Variants in ABCA13 observed in about 807,000 individuals in gnomAD.
ABCA13 encodes ATP binding cassette subfamily A member 13.
A neutral mutation model predicts 478.7 loss-of-function variants in ABCA13; 476 were observed. The ratio of observed to expected loss-of-function variants is 0.99; its 90% CI spans 0.92 to 1.07. The LOEUF is 1.07. Ranked by LOEUF, ABCA13 falls within the 50% of genes least tolerant of loss-of-function variation. ABCA13 has a pLI of 0.00. For synonymous variants in ABCA13, 2,252 were observed against 2,158.9 expected (o/e 1.04, Z -1.20); for missense variants, 6,060 against 5,910.6 (o/e 1.03, Z -0.83).
At chr7:48,190,266 A>G (rs1405364976) in intron 1 of ABCA13, among the ~76,000 whole-genome samples, 1 of 152,176 alleles carries the variant, frequency 6.6e-6, no homozygotes, top group Non-Finnish European at 1.5e-5. Flanking sequence ...TCAGCCAAAT[A>G]TGTAAAAAAA....
intron 35 of ABCA13, among the ~76,000 whole-genome samples, chr7:48,382,031 T>C (rs963801886): frequency 2.4e-4 from 37 of 152,336 alleles, no homozygotes; most frequent in African/African-American, 7.0e-4. Context: ...AGATTATGGC[T>C]GAGATGGTTT....
At chr7:48,525,668 C>T (rs1331068062) in intron 54 of ABCA13, among the ~76,000 whole-genome samples, 5 of 72,824 alleles carry the variant, frequency 6.9e-5, no homozygotes, top group East Asian at 4.6e-4. Flanking sequence ...TGTTTAGATG[C>T]GCTTTTTTTT....
In ABCA13 at chr7:48,546,070, C is replaced by G. The variant is rs532021615; in HGVS notation, c.14354+17725C>G. On this transcript the variant is annotated intron_variant, in intron 55 of 61. Transcript: ENST00000435803. ...CATACTTAGGCACTTTGTGTTGAAA[C>G]CAAGAATTCCAAAAACAAACTCTTA... Among the ~76,000 whole-genome samples the G allele has an allele frequency of 8.6e-4, 131 of 151,720 alleles. 1 individual carries two copies. Among genetic ancestry groups the G allele is most frequent in the Admixed American group, 2.2e-3 (33 of 15,178 alleles).
Position 48,171,467 on chromosome 7 carries a change from A to G in ABCA13, c.-17A>G. The G allele has an allele frequency of 6.5e-7, 1 of 1,535,860 alleles. No homozygotes were observed. Among genetic ancestry groups the G allele is most frequent in the East Asian group, 2.4e-5 (1 of 40,916 alleles). On this transcript the variant is annotated 5_prime_UTR_variant, in exon 1 of 62. Coordinates refer to ENST00000435803, the MANE Select transcript of ABCA13 (RefSeq NM_152701.5). ...CTTACAGGCTGGCTTCCTGACTGAG[A>G]GCAGGGAGCAGCAGGCATGGGGCAT...
chr7:48,360,907 A>G (rs1810718737), intron 31 of ABCA13, among the ~76,000 whole-genome samples: 2 of 151,878 alleles, frequency 1.3e-5, no homozygotes, highest in Admixed American at 6.6e-5. Flanking sequence ...ACCAGCCTGG[A>G]CAGCATAGCA....
At chr7:48,462,557 G>A (rs2130011496) in intron 43 of ABCA13, among the ~76,000 whole-genome samples, 1 of 152,012 alleles carries the variant, frequency 6.6e-6, no homozygotes, top group Non-Finnish European at 1.5e-5. Context: ...TGACCAGGCT[G>A]GAGTGCAGTG....
intron 2 of ABCA13, 83 bp downstream of exon 2, chr7:48,193,135 C>T: frequency 1.0e-6 from 1 of 961,726 alleles, no homozygotes; most frequent in Non-Finnish European, 1.6e-6. Flanking sequence ...TTTTTATAAA[C>T]TCTGAATGCT....
At chr7:48,254,884 G>A (rs958369140) in intron 15 of ABCA13, among the ~76,000 whole-genome samples, 12 of 151,886 alleles carry the variant, frequency 7.9e-5, no homozygotes, top group East Asian at 3.9e-4. Flanking sequence ...TCTTATTTTC[G>A]TAGCCTCTCT....
Position 48,587,259 on chromosome 7 carries a change from C to T in ABCA13, c.14611C>T (p.Leu4871=), listed in dbSNP as rs767386672. ...GCGGAAACTCTCTACAGCCCTGGCC[C>T]TGGTGGGGAAACCTGACATTCTTTT... ...TKRKLSTALA[L]VGKPDILLLD... is the part of the protein sequence containing the mutation. The change falls in exon 57 of 62, where the codon CTG becomes TTG. Residue 4871 remains leucine (L), a synonymous_variant. Transcript: ENST00000435803. 1.2e-5 allele frequency: 19 copies of T among 1,610,424 alleles called. No individual in the cohort carries two copies. The highest frequency in any genetic ancestry group is 4.2e-6 in the Non-Finnish European group (5 of 1,178,288).
chr7:48,412,291 A>G (rs2129097094), intron 40 of ABCA13, 62 bp from the exon 41 acceptor site: 3 of 1,253,966 alleles, frequency 2.4e-6, no homozygotes, highest in East Asian at 2.5e-5. Context: ...CATGAAATCA[A>G]TTGATGTATA....
chr7:48,269,120 G>T, intron 16 of ABCA13, 26 bp downstream of exon 16: 1 of 1,270,416 alleles, frequency 7.9e-7, no homozygotes, highest in East Asian at 2.3e-5. Context: ...CCAACTTCTA[G>T]GTCTTGATTT....
rs1332791041 is a variant in ABCA13, at chr7:48,541,344, G to T, written c.14354+12999G>T. On this transcript the variant is annotated intron_variant, in intron 55 of 61. Coordinates refer to ENST00000435803, the MANE Select transcript of ABCA13 (RefSeq NM_152701.5). ...ATGGACACCATCAAACATTTACTTG[G>T]ACTATTACATCTGAAATTATTGAAA... Among the ~76,000 whole-genome samples the T allele has an allele frequency of 3.3e-5, 5 of 152,100 alleles. No individual in the cohort carries two copies. The East Asian group carries it at 7.7e-4, about 24-fold the overall frequency.
chr7:48,211,304 G>A (rs1396903330), intron 3 of ABCA13, among the ~76,000 whole-genome samples: 1 of 152,204 alleles, frequency 6.6e-6, no homozygotes, highest in African/African-American at 2.4e-5. Flanking sequence ...ACCTAAGCCT[G>A]TGGTCACTGC....
intron 50 of ABCA13, 74 bp downstream of exon 50, chr7:48,508,123 G>T (rs1323227167): frequency 1.3e-6 from 2 of 1,587,092 alleles, no homozygotes; most frequent in South Asian, 2.3e-5. Context: ...AGGGATGGAG[G>T]GGGGCATTGG....
intron 3 of ABCA13, among the ~76,000 whole-genome samples, chr7:48,201,644 G>A (rs925130703): frequency 2.0e-5 from 3 of 152,158 alleles, no homozygotes; most frequent in Admixed American, 2.0e-4. Context: ...AGCTTGAACC[G>A]GGGAGGCAGA....
At chr7:48,246,219 T>C (rs1791651355) in intron 13 of ABCA13, among the ~76,000 whole-genome samples, 189 bp downstream of exon 13, 1 of 152,198 alleles carries the variant, frequency 6.6e-6, no homozygotes, top group Non-Finnish European at 1.5e-5. Context: ...TGAAAGGTTG[T>C]ATGCCACCCG....
chr7:48,322,083 A>G (rs1803567591), intron 27 of ABCA13, among the ~76,000 whole-genome samples: 1 of 152,240 alleles, frequency 6.6e-6, no homozygotes, highest in South Asian at 2.1e-4. Flanking sequence ...GATCAGCTAC[A>G]GGAAATAGAG....
intron 48 of ABCA13, among the ~76,000 whole-genome samples, chr7:48,497,257 A>G (rs1222109913): frequency 1.3e-5 from 2 of 151,960 alleles, no homozygotes; most frequent in South Asian, 4.1e-4. Flanking sequence ...CTGTCATTGT[A>G]TATTTTAGTT....
intron 42 of ABCA13, among the ~76,000 whole-genome samples, chr7:48,448,591 A>G (rs1824592060): frequency 6.6e-6 from 1 of 152,244 alleles, no homozygotes; most frequent in African/African-American, 2.4e-5. Context: ...TTAGCCACAT[A>G]GGAATTGGAA....
Sources: gnomAD v4.1 joint callset for allele counts (sites outside exome capture counted in the v4.1 genomes callset) on GRCh38, gnomAD v4.1.1 for gene constraint, MANE v1.5 for transcripts, NCBI Gene and HGNC (gene_info 2026-07-23, HGNC 2026-07-21) for gene names.